NEK10: variants seen among roughly 807,000 people sequenced by gnomAD.
NEK10 encodes the protein serine/threonine-protein kinase Nek10.
A neutral mutation model predicts 159.8 loss-of-function variants in NEK10; 122 were observed. The observed-to-expected ratio is 0.76, with a 90% confidence interval of 0.66 to 0.89. The LOEUF (loss-of-function observed/expected upper bound fraction) is 0.89. NEK10 is among the 40% of genes least tolerant of loss of function. The probability of loss-of-function intolerance (pLI) is 0.00; values close to 1 mark genes in which losing one functional copy is unlikely to be tolerated. For synonymous variants in NEK10, 466 were observed against 457.1 expected, an observed-to-expected ratio of 1.02 and a Z score of -0.25; for missense variants, 1,342 against 1,323.1, an observed-to-expected ratio of 1.01 and a Z score of -0.22.
intron 23 of NEK10, among the ~76,000 whole-genome samples, chr3:27,254,952 C>CACAG (rs1003334772): frequency 6.6e-6 from 1 of 150,794 alleles, no homozygotes; most frequent in African/African-American, 2.4e-5. Flanking sequence ...CACACACACA[C>CACAG]AGTTGATACT....
chr3:27,277,141 T>G (rs752425549), intron 22 of NEK10, among the ~76,000 whole-genome samples: 11 of 152,110 alleles, frequency 7.2e-5, no homozygotes, highest in Non-Finnish European at 1.5e-4. Context: ...TTGAATTTGG[T>G]AATAATGTCT....
chr3:27,364,859 T>C (rs2048945952), intron 1 of NEK10, among the ~76,000 whole-genome samples: 1 of 152,204 alleles, frequency 6.6e-6, no homozygotes, highest in African/African-American at 2.4e-5. Context: ...GTGCCAGCAC[T>C]GTTCTAAGTG....
intron 1 of NEK10, among the ~76,000 whole-genome samples, chr3:27,358,385 A>G: frequency 6.6e-6 from 1 of 152,190 alleles, no homozygotes; most frequent in East Asian, 1.9e-4. Flanking sequence ...ACAGCCCTAG[A>G]CAAGTACAGC....
intron 25 of NEK10, 84 bp downstream of exon 25, chr3:27,201,426 C>T (rs1444272239): frequency 2.5e-6 from 3 of 1,187,396 alleles, no homozygotes; most frequent in African/African-American, 3.0e-5. Context: ...TCTTCATGAC[C>T]TTTTATCCAT....
At chr3:27,134,944 C>T (rs1236907467) in intron 31 of NEK10, among the ~76,000 whole-genome samples, 1 of 152,160 alleles carries the variant, frequency 6.6e-6, no homozygotes, top group Non-Finnish European at 1.5e-5. Flanking sequence ...TGCGCAGTCT[C>T]ACTTTTTTCT....
chr3:27,318,842 G>T (rs1387499173), intron 6 of NEK10, among the ~76,000 whole-genome samples: 1 of 152,042 alleles, frequency 6.6e-6, no homozygotes, highest in Non-Finnish European at 1.5e-5. Flanking sequence ...CTGTAGATAT[G>T]AACTTGTGAA....
chr3:27,141,433 C>G, intron 31 of NEK10, 49 bp downstream of exon 31: 3 of 1,408,854 alleles, frequency 2.1e-6, no homozygotes, highest in Non-Finnish European at 3.0e-6. Flanking sequence ...AATATTAGCA[C>G]CAAACTTGCA....
chr3:27,204,295 G>GTTTTTTTTTT (rs1950306350), intron 23 of NEK10, among the ~76,000 whole-genome samples: 3 of 73,996 alleles, frequency 4.1e-5, no homozygotes, highest in Admixed American at 1.6e-4. Context: ...TTTTTTTTTT[G>GTTTTTTTTTT]TTGTTGTTTT....
In NEK10 at chr3:27,307,953, T is replaced by A. The variant is rs2044368883; in HGVS notation, c.717-8A>T. The A allele has an allele frequency of 1.5e-6, 2 of 1,298,348 alleles. No homozygotes were observed. Among genetic ancestry groups the A allele is most frequent in the African/African-American group, 2.9e-5 (2 of 68,802 alleles). The allele number at this position is 1,298,348 out of a possible 1,614,324, so 80.4% of individuals were successfully genotyped here. A position where few individuals can be genotyped will look rare whatever the true frequency, so the allele number is the denominator to read the frequency against. ...TTCTCCCTACATTCTTGACTATAAA[T>A]TGAAAAATATTAGCAATTACTAAAA... is the stretch of plus-strand genomic sequence containing the variant. On this transcript the variant is annotated splice_region_variant and splice_polypyrimidine_tract_variant and intron_variant, in intron 10 of 35. Coordinates refer to ENST00000691995, the MANE Select transcript of NEK10 (RefSeq NM_001394966.1).
intron 35 of NEK10, among the ~76,000 whole-genome samples, chr3:27,113,304 G>A (rs777891373): frequency 5.9e-5 from 9 of 151,754 alleles, no homozygotes; most frequent in Admixed American, 1.3e-4. Context: ...GGTGGTGGGC[G>A]CCTATAATCC....
chr3:27,355,222 G>A (rs1217611183), intron 1 of NEK10, among the ~76,000 whole-genome samples: 1 of 152,020 alleles, frequency 6.6e-6, no homozygotes, highest in African/African-American at 2.4e-5. Flanking sequence ...TCATGTCCTA[G>A]CAGCTCAGTC....
intron 31 of NEK10, among the ~76,000 whole-genome samples, chr3:27,138,805 T>C (rs564525922): frequency 1.3e-5 from 2 of 152,338 alleles, no homozygotes; most frequent in East Asian, 3.9e-4. Context: ...TGCAGTTGCA[T>C]CACAATTAAT....
chr3:27,255,321 T>C (rs781730384), intron 23 of NEK10: 1 of 428,158 alleles, frequency 2.3e-6, no homozygotes, highest in South Asian at 1.7e-5. Context: ...AGAATAAAGA[T>C]GTAAAACATA....
rs577761231 is a variant in NEK10, at chr3:27,251,204, T to C, written c.2090+5092A>G. ...AACTCTCAATAGCCGATCTAGAATT[T>C]AAACCCAGGCCATCTGATTCTAGAG... is the stretch of plus-strand genomic sequence containing the variant. On this transcript the variant is annotated intron_variant, in intron 23 of 35. Transcript: ENST00000691995. Among the ~76,000 whole-genome samples, 3 of 152,348 alleles carry C rather than the reference T, an allele frequency of 2.0e-5. No individual in the cohort carries two copies. The South Asian group carries it at 6.2e-4, about 32-fold the overall frequency.
chr3:27,293,496 C>T, intron 16 of NEK10, 92 bp downstream of exon 16: 1 of 604,856 alleles, frequency 1.7e-6, no homozygotes, highest in South Asian at 2.5e-5. Context: ...GCATTATTTT[C>T]CTTCTGTTGC....
intron 33 of NEK10, among the ~76,000 whole-genome samples, chr3:27,117,316 G>T (rs919990108): frequency 3.9e-5 from 6 of 152,168 alleles, no homozygotes; most frequent in Admixed American, 2.6e-4. Context: ...ATAAGGGAAT[G>T]ATTTATTTTT....
At chr3:27,350,881 A>G (rs977958584) in intron 3 of NEK10, among the ~76,000 whole-genome samples, 2 of 152,132 alleles carry the variant, frequency 1.3e-5, no homozygotes, top group African/African-American at 4.8e-5. Context: ...TGCCCTGGCT[A>G]GGAGGTTATA....
chr3:27,232,625 G>A (rs569542741), intron 23 of NEK10, among the ~76,000 whole-genome samples: 15 of 151,798 alleles, frequency 9.9e-5, no homozygotes, highest in African/African-American at 3.6e-4. Context: ...AGCAAAAAGT[G>A]TAAATCTGGA....
intron 5 of NEK10, among the ~76,000 whole-genome samples, chr3:27,339,307 AG>A (rs763148747): frequency 1.2e-4 from 18 of 152,170 alleles, no homozygotes; most frequent in Non-Finnish European, 2.5e-4. Context: ...CATCTGACAA[AG>A]GTCTAATATC....
Sources: allele counts gnomAD v4.1 joint callset (sites outside exome capture counted in the v4.1 genomes callset), GRCh38; gene constraint gnomAD v4.1.1; transcripts MANE v1.5; gene names NCBI Gene and HGNC (gene_info 2026-07-23, HGNC 2026-07-21).